DHX37: variants seen among roughly 807,000 people sequenced by gnomAD.
DHX37 encodes probable ATP-dependent RNA helicase DHX37.
A neutral mutation model predicts 134.3 loss-of-function variants in DHX37; 52 were observed. That is an observed-to-expected ratio of 0.39 (90% CI 0.31 to 0.49). DHX37 has a LOEUF of 0.49. Ranked by LOEUF, DHX37 falls within the 20% of genes least tolerant of loss-of-function variation. DHX37 has a pLI of 0.93. For missense variants in DHX37, 1,344 were observed against 1,580.8 expected (o/e 0.85, Z 2.54); for synonymous variants, 634 against 670.7 (o/e 0.95, Z 0.85).
At chr12:124,973,632 C>T (rs7974652) in intron 6 of DHX37, among the ~76,000 whole-genome samples, 1 of 136,074 alleles carries the variant, frequency 7.3e-6, no homozygotes, top group Admixed American at 7.9e-5. Flanking sequence ...TGCGCCCCCC[C>T]CAACGCTTTT....
At chr12:124,960,048 C>T (rs73229558) in intron 16 of DHX37, among the ~76,000 whole-genome samples, 19,217 of 152,240 alleles carry the variant, frequency 0.13, 1,262 homozygotes, top group East Asian at 0.16. Context: ...GCACGCCCCA[C>T]GGACGGATAG....
At chr12:124,968,720 C>A in intron 9 of DHX37, 72 bp from the exon 10 acceptor site, 1 of 1,609,692 alleles carries the variant, frequency 6.2e-7, no homozygotes, top group Non-Finnish European at 8.5e-7. Flanking sequence ...CTTCCCTTTC[C>A]CCATTATTCC....
In DHX37 at chr12:124,947,610, G is replaced by C. The variant is rs1388365154; in HGVS notation, c.*192C>G. The C allele has an allele frequency of 4.7e-6, 3 of 644,344 alleles. No individual in the cohort carries two copies. The African/African-American group carries it at 5.5e-5, about 12-fold the overall frequency. 39.9% of individuals were successfully genotyped at this position (644,344 alleles called of 1,614,324 possible). ...TAAACAGTTCAAAAAGTCACCCCCG[G>C]GCCAGATGGCACGGGCGGCAGCACC... On this transcript the variant is annotated 3_prime_UTR_variant, in exon 27 of 27. Coordinates refer to ENST00000308736, the MANE Select transcript of DHX37 (RefSeq NM_032656.4).
Position 124,967,163 on chromosome 12 carries a change from C to G in DHX37, c.1464G>C (p.Arg488Ser), listed in dbSNP as rs369510919. Residue 488 changes from arginine (R) to serine (S), a missense_variant, in exon 11 of 27, where the codon AGG becomes AGC. By Grantham distance (110) the Arg-to-Ser change is moderately radical. This residue lies in a region of DHX37 where 289 missense variants were observed against 323.8 expected (regional missense o/e 0.89). Transcript: ENST00000308736. Reference sequence around the variant, plus strand: ...TGGAGGGTGGGAAAGCCTTCCTGAGCCTGCGGCACAGCGCATGCACCTCAG... The same window carrying G: ...TGGAGGGTGGGAAAGCCTTCCTGAGGCTGCGGCACAGCGCATGCACCTCAG... The part of the protein sequence containing the change: ...GQAEVHALCR[R>S]LRKAFPPSRA... 82 of 1,613,704 alleles carry G rather than the reference C, an allele frequency of 5.1e-5. No homozygotes were observed. The highest frequency in any genetic ancestry group is 6.8e-5 in the Non-Finnish European group (80 of 1,180,030).
intron 20 of DHX37, 138 bp downstream of exon 20, chr12:124,953,742 T>C (rs1165466743): frequency 3.5e-5 from 49 of 1,380,978 alleles, no homozygotes; most frequent in South Asian, 8.9e-5. Context: ...TCCCCAAGTA[T>C]TGATTTAGGG....
chr12:124,958,075 G>T (rs1290533556), intron 16 of DHX37, among the ~76,000 whole-genome samples: 1 of 152,190 alleles, frequency 6.6e-6, no homozygotes, highest in Non-Finnish European at 1.5e-5. Context: ...GGGCACAGGG[G>T]CCAGGGAGCT....
rs1308458237 is a variant in DHX37, at chr12:124,980,320, G to A, written c.738+170C>T. 6.6e-6 allele frequency among the ~76,000 whole-genome samples: 1 copy of A among 152,218 alleles called. No homozygotes were observed. ...CGCCCTGCACTGTGATCCTCCTCGC[G>A]CACCAATCCCTGCCACAGCCTCAAG... On this transcript the variant is annotated intron_variant, in intron 4 of 26. Coordinates refer to ENST00000308736, the MANE Select transcript of DHX37 (RefSeq NM_032656.4). This position sits in a 1 kb window ranked among gnomAD's most constrained non-coding sequence, Gnocchi z 5.3.
intron 7 of DHX37, among the ~76,000 whole-genome samples, chr12:124,972,103 C>A (rs1335475813): frequency 6.6e-6 from 1 of 152,214 alleles, no homozygotes; most frequent in African/African-American, 2.4e-5. Context: ...GGACTCGAAG[C>A]TCCCAAGAGG....
intron 6 of DHX37, among the ~76,000 whole-genome samples, chr12:124,974,385 T>C (rs1181477154): frequency 6.6e-6 from 1 of 151,926 alleles, no homozygotes; most frequent in Non-Finnish European, 1.5e-5. Context: ...TGGCTGCTCC[T>C]GGAGAGGAGG....
intron 16 of DHX37, among the ~76,000 whole-genome samples, chr12:124,959,214 C>T (rs1191837488): frequency 2.6e-5 from 4 of 152,014 alleles, no homozygotes; most frequent in Admixed American, 1.3e-4. Context: ...GCTGGGATTA[C>T]AGGCGTGTGC....
intron 6 of DHX37, among the ~76,000 whole-genome samples, 196 bp downstream of exon 6, chr12:124,975,223 A>G (rs1343975097): frequency 6.6e-6 from 1 of 152,122 alleles, no homozygotes; most frequent in Non-Finnish European, 1.5e-5. Flanking sequence ...GCAGGACGTA[A>G]GCTTGCTTGG....
At chr12:124,960,201 G>A (rs1257125694) in intron 16 of DHX37, 111 bp downstream of exon 16, 1 of 1,500,114 alleles carries the variant, frequency 6.7e-7, no homozygotes, top group Admixed American at 2.1e-5. Context: ...TGTTGTGTAA[G>A]CAGCTGCCGC....
intron 2 of DHX37, among the ~76,000 whole-genome samples, chr12:124,984,908 CAAGAT>C (rs1183537895): frequency 2.6e-5 from 4 of 152,134 alleles, no homozygotes; most frequent in Non-Finnish European, 5.9e-5. Flanking sequence ...TGAAGGATCT[CAAGAT>C]GAGATGATCC....
At chr12:124,948,013 C>G (rs756408707) in intron 26 of DHX37, 71 bp downstream of exon 26, 1 of 1,613,914 alleles carries the variant, frequency 6.2e-7, no homozygotes, top group African/African-American at 1.3e-5. Flanking sequence ...TGACCGTGCA[C>G]AAAGCACAAA....
intron 4 of DHX37, among the ~76,000 whole-genome samples, chr12:124,977,889 A>T (rs1468005228): frequency 6.6e-6 from 1 of 151,966 alleles, no homozygotes; most frequent in Non-Finnish European, 1.5e-5. Context: ...GGCTTTCTAC[A>T]TTTTTTCCTG....
intron 2 of DHX37, among the ~76,000 whole-genome samples, chr12:124,985,013 T>G (rs1954837446): frequency 1.3e-5 from 2 of 152,142 alleles, no homozygotes; most frequent in South Asian, 4.2e-4. Context: ...AGGCAGAGAT[T>G]GGAGTGACGC....
intron 16 of DHX37, 101 bp from the exon 17 acceptor site, chr12:124,957,236 C>A: frequency 8.8e-7 from 1 of 1,136,424 alleles, no homozygotes; most frequent in South Asian, 2.0e-5. Flanking sequence ...CCCCTCTCTC[C>A]GGGCTCAGCT....
Position 124,986,092 on chromosome 12 carries a change from G to A in DHX37, c.276+4C>T, listed in dbSNP as rs200709587. The A allele has an allele frequency of 5.0e-4, 808 of 1,613,622 alleles. No homozygotes were observed. The highest frequency in any genetic ancestry group is 7.5e-4 in the Admixed American group (45 of 59,918). On this transcript the variant is annotated splice_donor_region_variant and intron_variant, in intron 2 of 26. Coordinates refer to ENST00000308736, the MANE Select transcript of DHX37 (RefSeq NM_032656.4). Reference sequence around the variant, plus strand: ...CTTGCAGACCCTGCCCGAGTGGGGTGTACCTGGCTCTTTTTCTCCTTCTGT... The same window carrying A: ...CTTGCAGACCCTGCCCGAGTGGGGTATACCTGGCTCTTTTTCTCCTTCTGT...
At chr12:124,987,688 G>A (rs1255243155) in intron 1 of DHX37, among the ~76,000 whole-genome samples, 6 of 152,204 alleles carry the variant, frequency 3.9e-5, no homozygotes, top group Non-Finnish European at 8.8e-5. Context: ...TAGGAGGTAA[G>A]ACGGCTACTA....
Sources: allele counts gnomAD v4.1 joint callset (sites outside exome capture counted in the v4.1 genomes callset), GRCh38; gene constraint gnomAD v4.1.1; regional missense constraint gnomAD v4.1.1; non-coding constraint Gnocchi (gnomAD v3.1); transcripts MANE v1.5; gene names NCBI Gene and HGNC (gene_info 2026-07-23, HGNC 2026-07-21).